The following DTX2 variants were observed in gnomAD, a reference collection of about 807,000 sequenced individuals.
DTX2 encodes probable E3 ubiquitin-protein ligase DTX2.
Under a neutral mutation model 55.3 loss-of-function variants are expected in DTX2, and 29 were observed. That is an observed-to-expected ratio of 0.52 (90% CI 0.39 to 0.71). DTX2 has a LOEUF of 0.71. Ranked by LOEUF, DTX2 falls within the 30% of genes least tolerant of loss-of-function variation. The pLI, the probability that DTX2 is intolerant of heterozygous loss-of-function variation, is 0.00. For missense variants in DTX2, 537 were observed against 822.5 expected, an observed-to-expected ratio of 0.65 and a Z score of 4.25; for synonymous variants, 276 against 340.4, an observed-to-expected ratio of 0.81 and a Z score of 2.08.
intron 4 of DTX2, among the ~76,000 whole-genome samples, chr7:76,491,688 AT>A (rs1453345709): frequency 1.9e-3 from 50 of 26,744 alleles, no homozygotes; most frequent in East Asian, 2.5e-3. Flanking sequence ...CAGAGTCTTT[AT>A]TTTTTTTTTT....
intron 2 of DTX2, chr7:76,474,520 A>G (rs1808331549): frequency 6.6e-6 from 1 of 152,200 alleles, no homozygotes; most frequent in Non-Finnish European, 1.5e-5. Flanking sequence ...CGGCAGAGGC[A>G]GGACAGCCAG....
intron 3 of DTX2, among the ~76,000 whole-genome samples, chr7:76,482,128 A>G (rs1809300015): frequency 6.6e-6 from 1 of 152,132 alleles, no homozygotes; most frequent in Non-Finnish European, 1.5e-5. Context: ...AAATAATAAC[A>G]TGGAAATTGC....
Position 76,503,510 on chromosome 7 carries a change from C to T in DTX2, c.1474C>T (p.Arg492Trp), listed in dbSNP as rs563117666. 4.0e-5 allele frequency: 65 copies of T among 1,612,940 alleles called. No individual in the cohort carries two copies. The highest frequency in any genetic ancestry group is 6.7e-5 in the East Asian group (3 of 44,874). The stretch of plus-strand genomic sequence containing the variant: ...GCCCCAGGGAAAGATGGAGGTATTA[C>T]GGTTCCAGATGTCGCTCCCCGGCCA... ...TQPQGKMEVLRFQMSLPGHED... is the reference protein window; with the variant it reads ...TQPQGKMEVLWFQMSLPGHED... Residue 492 changes from arginine to tryptophan, a missense_variant, in exon 9 of 11, where the codon CGG (arginine) becomes TGG (tryptophan). Transcript: ENST00000430490.
At chr7:76,499,698 G>T (rs1811422419) in intron 6 of DTX2, 1 of 162,210 alleles carries the variant, frequency 6.2e-6, no homozygotes, top group Admixed American at 5.9e-5. Context: ...GGGCCGCGCC[G>T]ATCCTCACCA....
chr7:76,505,769 C>A lies in DTX2; in HGVS notation c.*168C>A. 1 of 728,602 alleles carries A rather than the reference C, an allele frequency of 1.4e-6. No individual in the cohort carries two copies. Among genetic ancestry groups the A allele is most frequent in the South Asian group, 1.8e-5 (1 of 55,928 alleles). The allele number at this position is 728,602 out of a possible 1,614,324, so 45.1% of individuals were successfully genotyped here. The stretch of plus-strand genomic sequence containing the variant: ...CCCTGCCTGCCTCTCTCTCCTCCTC[C>A]CCTCTGGGAATTGGGCAGCCCTGGG... On this transcript the variant is annotated 3_prime_UTR_variant, in exon 11 of 11. Coordinates refer to ENST00000430490, the MANE Select transcript of DTX2 (RefSeq NM_001102594.3). The surrounding 1 kb of genome is among the most constrained non-coding windows in gnomAD (Gnocchi z 4.4).
In DTX2 at chr7:76,505,005, G is replaced by A. The variant is rs1812180304; in HGVS notation, c.1642-369G>A. On this transcript the variant is annotated intron_variant, in intron 10 of 10. Coordinates refer to ENST00000430490, the MANE Select transcript of DTX2 (RefSeq NM_001102594.3). This position sits in a 1 kb window ranked among gnomAD's most constrained non-coding sequence, Gnocchi z 4.4. ...GGCTTGAGGTGGCGGAGCTGGAGGC[G>A]GGGAGAGGGCAGGGAGAGGGCAGGG... Among the ~76,000 whole-genome samples the A allele has an allele frequency of 6.6e-6, 1 of 150,512 alleles. No individual in the cohort carries two copies. The highest frequency in any genetic ancestry group is 2.1e-4 in the South Asian group (1 of 4,728).
rs142130454 is a variant in DTX2, at chr7:76,480,677, T to C, written c.168T>C (p.Leu56=). 6.8e-6 allele frequency: 11 copies of C among 1,613,564 alleles called. No homozygotes were observed. The African/African-American group carries it at 1.2e-4, about 18-fold the overall frequency. ...FVQQKGQRFG[L]GSLAHSIPLG... is the part of the protein sequence containing the mutation. ...AGCAGAAGGGCCAACGTTTTGGGCT[T>C]GGGAGCCTGGCCCACAGCATCCCCT... Residue 56 remains leucine (L), a synonymous_variant, in exon 3 of 11, where the codon CTT becomes CTC. Coordinates refer to ENST00000430490, the MANE Select transcript of DTX2 (RefSeq NM_001102594.3).
chr7:76,503,150 T>C (rs2040125110), intron 8 of DTX2, among the ~76,000 whole-genome samples: 1 of 152,246 alleles, frequency 6.6e-6, no homozygotes, highest in African/African-American at 2.4e-5. Flanking sequence ...GCAAATGCGA[T>C]TCACCCGTGG....
At chr7:76,502,657 C>T (rs6964085) in intron 8 of DTX2, among the ~76,000 whole-genome samples, 43 of 152,048 alleles carry the variant, frequency 2.8e-4, no homozygotes, top group African/African-American at 1.0e-3. Context: ...TAGGTCTGCC[C>T]CACACTTTAG....
chr7:76,486,884 C>CTACTTT (rs371602656), intron 4 of DTX2, among the ~76,000 whole-genome samples: 6 of 149,122 alleles, frequency 4.0e-5, no homozygotes, highest in Non-Finnish European at 8.9e-5. Flanking sequence ...GCTGCTGCTG[C>CTACTTT]TGCCCTTGCC....
chr7:76,498,243 T>C (rs1811148196), intron 6 of DTX2, among the ~76,000 whole-genome samples: 1 of 150,340 alleles, frequency 6.7e-6, no homozygotes, highest in South Asian at 2.1e-4. Context: ...TGGCGAGGTC[T>C]AGGAAATACT....
Position 76,505,883 on chromosome 7 carries a change from C to G in DTX2, c.*282C>G. On this transcript the variant is annotated 3_prime_UTR_variant, in exon 11 of 11. Transcript: ENST00000430490. The surrounding 1 kb of genome is among the most constrained non-coding windows in gnomAD (Gnocchi z 4.4). ...GGGGCTGCTTCGGGCCCGCGGTGCT[C>G]GGGGCCTGGTGTGGGGCGAGTAGAG... 2 of 565,334 alleles carry G rather than the reference C, an allele frequency of 3.5e-6. No individual in the cohort carries two copies. Among genetic ancestry groups the G allele is most frequent in the Non-Finnish European group, 6.4e-6 (2 of 313,890 alleles). The allele number at this position is 565,334 out of a possible 1,614,324, so 35.0% of individuals were successfully genotyped here.
At chr7:76,468,471 T>C (rs1807446756) in intron 2 of DTX2, among the ~76,000 whole-genome samples, 1 of 88,848 alleles carries the variant, frequency 1.1e-5, no homozygotes, top group Non-Finnish European at 2.2e-5. Context: ...TTTTTTTTTT[T>C]TTTTTGAGAT....
At chr7:76,501,888 C>T in intron 7 of DTX2, 1 of 144,772 alleles carries the variant, frequency 6.9e-6, no homozygotes, top group Non-Finnish European at 1.4e-5. Context: ...GTGGAATGGA[C>T]TTTTTTTTTT....
intron 5 of DTX2, among the ~76,000 whole-genome samples, chr7:76,495,652 T>C (rs1810852206): frequency 6.7e-6 from 1 of 148,896 alleles, no homozygotes; most frequent in Non-Finnish European, 1.5e-5. Context: ...GCTGCAGGCT[T>C]CCCAGGGATC....
chr7:76,505,307 C>T lies in DTX2; in HGVS notation c.1642-67C>T. The T allele has an allele frequency of 2.2e-6, 3 of 1,337,596 alleles. No individual in the cohort carries two copies. The highest frequency in any genetic ancestry group is 2.5e-5 in the East Asian group (1 of 39,728). 82.9% of individuals were successfully genotyped at this position (1,337,596 alleles called of 1,614,324 possible). ...GGGAAGAACATGGTGCCAACCCGTG[C>T]CTGCTCACTGAGCCCCTCTCACTCT... On this transcript the variant is annotated intron_variant, in intron 10 of 10. Coordinates refer to ENST00000430490, the MANE Select transcript of DTX2 (RefSeq NM_001102594.3). This position sits in a 1 kb window ranked among gnomAD's most constrained non-coding sequence, Gnocchi z 4.4.
rs1338011880 is a variant in DTX2, at chr7:76,505,135, G to A, written c.1642-239G>A. 9.9e-5 allele frequency among the ~76,000 whole-genome samples: 15 copies of A among 152,210 alleles called. No individual in the cohort carries two copies. Among genetic ancestry groups the A allele is most frequent in the South Asian group, 8.3e-4 (4 of 4,826 alleles). On this transcript the variant is annotated intron_variant, in intron 10 of 10. Transcript: ENST00000430490. This position sits in a 1 kb window ranked among gnomAD's most constrained non-coding sequence, Gnocchi z 4.4. ...TGGTGCCTGGGCATCAGGACCAAACGGATGGCAGTGCCAGGCACTGAGGCG... is the reference window on the plus strand; with the variant it reads ...TGGTGCCTGGGCATCAGGACCAAACAGATGGCAGTGCCAGGCACTGAGGCG...
rs891645046 is a variant in DTX2 at position 76,477,272 on chromosome 7, C to T, written c.-89-3149C>T. On this transcript the variant is annotated intron_variant, in intron 2 of 10. Coordinates refer to ENST00000430490, the MANE Select transcript of DTX2 (RefSeq NM_001102594.3). ...CCACAGAGCTGCCAATTCCTGTGTTCGGAGTTGTTGCAGGCCTGACTCACC... is the reference window on the plus strand; with the variant it reads ...CCACAGAGCTGCCAATTCCTGTGTTTGGAGTTGTTGCAGGCCTGACTCACC... The T allele has an allele frequency of 7.2e-4, 103 of 143,674 alleles. 1 individual carries two copies. Among genetic ancestry groups the T allele is most frequent in the African/African-American group, 2.6e-3 (98 of 37,112 alleles). The allele number at this position is 143,674 out of a possible 1,614,324, so 8.9% of individuals were successfully genotyped here.
At chr7:76,499,072 GGT>G (rs1327256670) in intron 6 of DTX2, among the ~76,000 whole-genome samples, 2 of 23,526 alleles carry the variant, frequency 8.5e-5, no homozygotes, top group Admixed American at 4.0e-4. Flanking sequence ...AGCTGTGTGT[GGT>G]GTGTGGAGGT....
Sources: allele counts gnomAD v4.1 joint callset (sites outside exome capture counted in the v4.1 genomes callset), GRCh38; gene constraint gnomAD v4.1.1; non-coding constraint Gnocchi (gnomAD v3.1); transcripts MANE v1.5; gene names NCBI Gene and HGNC (gene_info 2026-07-23, HGNC 2026-07-21).